The following VPS53 variants were observed in gnomAD, a reference collection of about 807,000 sequenced individuals.
The protein encoded by VPS53 is VPS53 subunit of GARP complex.
Under a neutral mutation model 107.0 loss-of-function variants are expected in VPS53, and 70 were observed. That is an observed-to-expected ratio of 0.65 (90% CI 0.54 to 0.80). The LOEUF is 0.80. VPS53 is among the 30% of genes least tolerant of loss of function. The probability of loss-of-function intolerance (pLI) is 0.00; values close to 1 mark genes in which losing one functional copy is unlikely to be tolerated. For synonymous variants in VPS53, 409 were observed against 393.3 expected (o/e 1.04, Z -0.47); for missense variants, 917 against 1,049.4 (o/e 0.87, Z 1.74).
At chr17:688,764 A>G (rs1379711815) in intron 4 of VPS53, among the ~76,000 whole-genome samples, 1 of 152,176 alleles carries the variant, frequency 6.6e-6, no homozygotes, top group Non-Finnish European at 1.5e-5. Flanking sequence ...CTGGTTGGGA[A>G]ATGACTGTGA....
chr17:556,962 G>A (rs1912482421), intron 15 of VPS53, among the ~76,000 whole-genome samples: 1 of 129,694 alleles, frequency 7.7e-6, no homozygotes, highest in Admixed American at 8.6e-5. Flanking sequence ...ACTGAAGCGG[G>A]GACCTGAGGC....
intron 18 of VPS53, among the ~76,000 whole-genome samples, chr17:533,800 CAT>C (rs571027864): frequency 4.3e-4 from 65 of 152,124 alleles, no homozygotes; most frequent in African/African-American, 1.5e-3. Flanking sequence ...GGGTCTGAGA[CAT>C]AGGAGATGCT....
chr17:601,433 G>T (rs1373622689), intron 12 of VPS53, among the ~76,000 whole-genome samples: 1 of 152,142 alleles, frequency 6.6e-6, no homozygotes. Context: ...GCTTCCCGGG[G>T]ATTGTTCAGC....
intron 7 of VPS53, among the ~76,000 whole-genome samples, chr17:642,503 A>C (rs891632560): frequency 2.8e-4 from 42 of 150,096 alleles, no homozygotes; most frequent in Admixed American, 8.6e-4. Flanking sequence ...TCATACTTGG[A>C]AAGCGAGGAC....
At chr17:523,349 G>C (rs1026965088) in intron 19 of VPS53, 1 of 152,302 alleles carries the variant, frequency 6.6e-6, no homozygotes, top group African/African-American at 2.4e-5. Context: ...CGGTGATAAC[G>C]GCCAAACTTA....
In VPS53 at chr17:564,540, A is replaced by AG. The variant is rs1347779265; in HGVS notation, c.1314-1796dup. 1.4e-3 allele frequency among the ~76,000 whole-genome samples: 126 copies of AG among 90,006 alleles called. 2 individuals carry two copies. Among genetic ancestry groups the AG allele is most frequent in the African/African-American group, 6.8e-3 (123 of 18,020 alleles). 59.0% of individuals were successfully genotyped at this position (90,006 alleles called of 152,430 possible). A position where few individuals can be genotyped will look rare whatever the true frequency, so the allele number is the denominator to read the frequency against. On this transcript the variant is annotated intron_variant, in intron 13 of 21. Coordinates refer to ENST00000437048, the MANE Select transcript of VPS53 (RefSeq NM_001128159.3). ...GGGCAACAAAGTGAGACTCTGTCTC[A>AG]GAAAAAAAAAAAAAAAAAAAATTAG...
At chr17:630,751 T>C (rs751906445) in intron 8 of VPS53, among the ~76,000 whole-genome samples, 1 of 152,334 alleles carries the variant, frequency 6.6e-6, no homozygotes, top group Non-Finnish European at 1.5e-5. Flanking sequence ...CTTGGATCAG[T>C]AAATGAATGT....
chr17:657,084 T>C, intron 5 of VPS53: 1 of 1,002,640 alleles, frequency 1.0e-6, no homozygotes, highest in Non-Finnish European at 1.6e-6. Flanking sequence ...TCGGTCATCT[T>C]GCCAGTCTCC....
At position 643,318 on chromosome 17, in the gene VPS53, A is replaced by T. The variant is rs532764785; in HGVS notation, c.608+9973T>A. On this transcript the variant is annotated intron_variant, in intron 7 of 21. Transcript: ENST00000437048. ...CAACACTCATACTGGGAAACCGAGG[A>T]CAACACTCATACTTGGCAACTGAGG... Among the ~76,000 whole-genome samples, 8 of 133,672 alleles carry T rather than the reference A, an allele frequency of 6.0e-5. 3 individuals carry two copies. In the South Asian group the frequency reaches 1.9e-3, roughly 32 times the overall value. 87.7% of individuals were successfully genotyped at this position (133,672 alleles called of 152,430 possible).
chr17:691,564 G>A (rs1972775736), intron 4 of VPS53, among the ~76,000 whole-genome samples: 1 of 152,202 alleles, frequency 6.6e-6, no homozygotes, highest in Admixed American at 6.5e-5. Flanking sequence ...GCCACCTGTA[G>A]TTGACTGTGG....
At position 601,821 on chromosome 17, in the gene VPS53, C is replaced by T. The variant is rs1968339614; in HGVS notation, c.1192G>A (p.Ala398Thr). ...DEPTPEMEEL[A>T]TEKGDLDQPK... Reference sequence around the variant, plus strand: ...TGATCTAAATCTCCTTTCTCCGTTGCCAGTTCCTCCATCTCTGGTGTTGGC... The same window carrying T: ...TGATCTAAATCTCCTTTCTCCGTTGTCAGTTCCTCCATCTCTGGTGTTGGC... The change falls in exon 12 of 22, where the codon GCA becomes ACA. Residue 398 changes from alanine (A) to threonine (T), a missense_variant. Physicochemically the swap from Ala to Thr is moderately conservative, Grantham distance 58 (BLOSUM62 0). Coordinates refer to ENST00000437048, the MANE Select transcript of VPS53 (RefSeq NM_001128159.3). 6.2e-7 allele frequency: 1 copy of T among 1,602,658 alleles called. No individual in the cohort carries two copies. The highest frequency in any genetic ancestry group is 8.5e-7 in the Non-Finnish European group (1 of 1,174,064).
chr17:584,369 C>T (rs1423401921), intron 13 of VPS53, among the ~76,000 whole-genome samples: 1 of 152,180 alleles, frequency 6.6e-6, no homozygotes, highest in Non-Finnish European at 1.5e-5. Flanking sequence ...ACACAACGGA[C>T]ACTGGAGCAC....
intron 4 of VPS53, among the ~76,000 whole-genome samples, chr17:692,139 G>A (rs1006002004): frequency 1.3e-5 from 2 of 152,102 alleles, no homozygotes; most frequent in South Asian, 2.1e-4. Context: ...ACTGACGACC[G>A]GTCAACGTTG....
intron 13 of VPS53, among the ~76,000 whole-genome samples, chr17:581,947 A>C (rs1967045111): frequency 6.6e-6 from 1 of 151,132 alleles, no homozygotes; most frequent in Non-Finnish European, 1.5e-5. Flanking sequence ...GTGTTCCCAG[A>C]GACCCTCCCT....
At chr17:689,636 G>A (rs1485427000) in intron 4 of VPS53, among the ~76,000 whole-genome samples, 1 of 151,892 alleles carries the variant, frequency 6.6e-6, no homozygotes, top group Admixed American at 6.6e-5. Flanking sequence ...ACTGCATCTG[G>A]CTAATTTTTG....
chr17:599,196 C>G (rs1430381208), intron 12 of VPS53, among the ~76,000 whole-genome samples: 2 of 151,746 alleles, frequency 1.3e-5, no homozygotes, highest in African/African-American at 4.8e-5. Flanking sequence ...GCCCGGCCGC[C>G]CCTACTGGGA....
chr17:685,926 C>T (rs773831919), intron 4 of VPS53, among the ~76,000 whole-genome samples: 1 of 151,884 alleles, frequency 6.6e-6, no homozygotes, highest in Non-Finnish European at 1.5e-5. Flanking sequence ...GTGGGAGGAT[C>T]GTTTGAGGCC....
In VPS53 at chr17:678,144, G is replaced by A. The variant is rs565763252; in HGVS notation, c.286-16249C>T. On this transcript the variant is annotated intron_variant, in intron 4 of 21. Transcript: ENST00000437048. The stretch of plus-strand genomic sequence containing the variant: ...TCAAGAGAGAAAAAAAGCCAGGCCC[G>A]GTGGCTCACGCCTGAAGTCCCAGCA... Among the ~76,000 whole-genome samples, 5 of 152,198 alleles carry A rather than the reference G, an allele frequency of 3.3e-5. No individual in the cohort carries two copies. In the East Asian group the frequency reaches 5.8e-4, roughly 18 times the overall value.
intron 4 of VPS53, among the ~76,000 whole-genome samples, chr17:687,436 C>T (rs574483965): frequency 2.6e-5 from 4 of 151,730 alleles, no homozygotes; most frequent in Non-Finnish European, 4.4e-5. Context: ...ATTAGCCGGG[C>T]GTGGTGGCAC....
Sources: gnomAD v4.1 joint callset for allele counts (sites outside exome capture counted in the v4.1 genomes callset) on GRCh38, gnomAD v4.1.1 for gene constraint, MANE v1.5 for transcripts, NCBI Gene and HGNC (gene_info 2026-07-23, HGNC 2026-07-21) for gene names.